APBB2: variants seen among roughly 807,000 people sequenced by gnomAD.
APBB2 encodes the protein amyloid beta precursor protein binding family B member 2.
In APBB2, 38 loss-of-function variants were observed where a neutral mutation model predicts 82.5. That is an observed-to-expected ratio of 0.46 (90% CI 0.36 to 0.60). The LOEUF is 0.60. APBB2 is among the 20% of genes least tolerant of loss of function. APBB2 has a pLI of 0.00. For synonymous variants in APBB2, 341 were observed against 368.2 expected (o/e 0.93, Z 0.85); for missense variants, 772 against 972.3 (o/e 0.79, Z 2.74).
intron 12 of APBB2, among the ~76,000 whole-genome samples, chr4:40,869,448 C>T (rs540096900): frequency 3.3e-5 from 5 of 151,294 alleles, no homozygotes; most frequent in African/African-American, 1.2e-4. Flanking sequence ...ATTAACTGGG[C>T]GAAGTGGCAT....
At chr4:41,096,120 C>T (rs1006538223) in intron 3 of APBB2, among the ~76,000 whole-genome samples, 1 of 152,198 alleles carries the variant, frequency 6.6e-6, no homozygotes, top group Admixed American at 6.5e-5. Flanking sequence ...TACTTCAGTT[C>T]CAGCTCTTCA....
chr4:40,861,310 G>A (rs983691714), intron 12 of APBB2, among the ~76,000 whole-genome samples: 10 of 151,166 alleles, frequency 6.6e-5, no homozygotes, highest in South Asian at 2.1e-4. Context: ...AGATCACACC[G>A]CTGCACTCCA....
chr4:41,134,941 C>T (rs1315639969), intron 2 of APBB2, among the ~76,000 whole-genome samples: 1 of 152,154 alleles, frequency 6.6e-6, no homozygotes, highest in African/African-American at 2.4e-5. Context: ...ATTCAACATT[C>T]CTTATCACTC....
intron 12 of APBB2, among the ~76,000 whole-genome samples, chr4:40,869,011 T>C (rs1227352971): frequency 6.6e-6 from 1 of 152,098 alleles, no homozygotes; most frequent in African/African-American, 2.4e-5. Flanking sequence ...CCTCGATTTG[T>C]CCCCACACCA....
At chr4:40,848,780 G>T in intron 12 of APBB2, 1 of 864,234 alleles carries the variant, frequency 1.2e-6, no homozygotes, top group Non-Finnish European at 1.4e-6. Flanking sequence ...ATACAAGCCC[G>T]CCCCTGCCTG....
chr4:40,936,630 T>C lies in APBB2; in HGVS notation c.1045-1491A>G, dbSNP rs140486020. Among the ~76,000 whole-genome samples, 13 of 152,312 alleles carry C rather than the reference T, an allele frequency of 8.5e-5. No homozygotes were observed. The East Asian group carries it at 1.9e-3, about 23-fold the overall frequency. On this transcript the variant is annotated intron_variant, in intron 7 of 17. Coordinates refer to ENST00000508593, the MANE Select transcript of APBB2 (RefSeq NM_004307.2). ...TTCAAATTTAGACCCATTATTACTATTGCACATGTGGTGTCATTTTCATTT... is the reference window on the plus strand; with the variant it reads ...TTCAAATTTAGACCCATTATTACTACTGCACATGTGGTGTCATTTTCATTT...
intron 10 of APBB2, 125 bp downstream of exon 10, chr4:40,934,331 A>C (rs1188826303): frequency 2.2e-6 from 2 of 923,290 alleles, no homozygotes; most frequent in Non-Finnish European, 3.4e-6. Flanking sequence ...GGAAAGAGAA[A>C]ATTGAGGGAT....
chr4:40,968,757 C>T (rs765769697), intron 6 of APBB2, among the ~76,000 whole-genome samples: 4 of 152,216 alleles, frequency 2.6e-5, no homozygotes, highest in Non-Finnish European at 5.9e-5. Flanking sequence ...ACTTCCTCCA[C>T]AAAACTTTTC....
intron 12 of APBB2, among the ~76,000 whole-genome samples, chr4:40,848,779 C>G (rs1233980476): frequency 6.6e-6 from 1 of 152,024 alleles, no homozygotes; most frequent in African/African-American, 2.4e-5. Flanking sequence ...CATACAAGCC[C>G]GCCCCTGCCT....
At chr4:41,115,253 G>A (rs1580160081) in intron 2 of APBB2, among the ~76,000 whole-genome samples, 1 of 152,150 alleles carries the variant, frequency 6.6e-6, no homozygotes, top group Non-Finnish European at 1.5e-5. Flanking sequence ...ATGGTGCTGG[G>A]AAAACTGGCT....
chr4:41,099,582 C>A (rs1277316056), intron 3 of APBB2, among the ~76,000 whole-genome samples: 1 of 152,082 alleles, frequency 6.6e-6, no homozygotes, highest in Admixed American at 6.5e-5. Context: ...CAAAATAAAA[C>A]CCAATTTAAT....
At chr4:41,130,186 T>C (rs536327899) in intron 2 of APBB2, among the ~76,000 whole-genome samples, 2 of 152,278 alleles carry the variant, frequency 1.3e-5, no homozygotes, top group African/African-American at 4.8e-5. Flanking sequence ...CTGCTGTAGC[T>C]ATACGATGAA....
intron 12 of APBB2, among the ~76,000 whole-genome samples, chr4:40,839,345 C>T (rs28446365): frequency 0.032 from 4,827 of 152,060 alleles, 168 homozygotes; most frequent in African/African-American, 0.086. Flanking sequence ...ACAAGTTGAC[C>T]TTGTCAGCTG....
intron 12 of APBB2, among the ~76,000 whole-genome samples, chr4:40,851,741 T>A (rs58753490): frequency 0.36 from 19,891 of 55,730 alleles, 1,439 homozygotes; most frequent in East Asian, 0.42. Flanking sequence ...TATATATATT[T>A]TTTTTTTTTT....
rs139561878 is a variant in APBB2, at chr4:40,833,440, G to A, written c.1530-2863C>T. Among the ~76,000 whole-genome samples, 1,124 of 152,242 alleles carry A rather than the reference G, an allele frequency of 7.4e-3. 12 individuals are homozygous for A. The highest frequency in any genetic ancestry group is 0.02 in the Middle Eastern group (6 of 294). On this transcript the variant is annotated intron_variant, in intron 12 of 17. Coordinates refer to ENST00000508593, the MANE Select transcript of APBB2 (RefSeq NM_004307.2). ...GCCCTCCCCACACTGTCCAGCGCAC[G>A]CCCATCTACTCAGCCTAGCCCAGCT...
chr4:41,176,353 C>T (rs980535639), intron 1 of APBB2, among the ~76,000 whole-genome samples: 5 of 151,364 alleles, frequency 3.3e-5, no homozygotes, highest in Non-Finnish European at 7.4e-5. Context: ...ACCCAATTCC[C>T]ATAAAGAATG....
chr4:41,008,484 A>G (rs1301266447), intron 6 of APBB2, among the ~76,000 whole-genome samples: 1 of 152,198 alleles, frequency 6.6e-6, no homozygotes, highest in African/African-American at 2.4e-5. Flanking sequence ...CTCACTTGCC[A>G]TATTCCAGGC....
chr4:41,148,609 T>C (rs143743088), intron 1 of APBB2, among the ~76,000 whole-genome samples: 2,006 of 152,280 alleles, frequency 0.013, 42 homozygotes, highest in African/African-American at 0.047. Flanking sequence ...CTGTGATCTG[T>C]GGGAAGGCTC....
chr4:41,106,366 C>T (rs1747240882), intron 2 of APBB2, among the ~76,000 whole-genome samples: 1 of 152,212 alleles, frequency 6.6e-6, no homozygotes, highest in African/African-American at 2.4e-5. Context: ...CATTGGTGAA[C>T]ATCTAAAACT....
Sources: allele counts gnomAD v4.1 joint callset (sites outside exome capture counted in the v4.1 genomes callset), GRCh38; gene constraint gnomAD v4.1.1; transcripts MANE v1.5; gene names NCBI Gene and HGNC (gene_info 2026-07-23, HGNC 2026-07-21).